LIN7A: variants seen among roughly 807,000 people sequenced by gnomAD.
LIN7A encodes lin-7 cell polarity scaffold A.
A neutral mutation model predicts 29.8 loss-of-function variants in LIN7A; 25 were observed. The ratio of observed to expected loss-of-function variants is 0.84; its 90% CI spans 0.61 to 1.17. The LOEUF (loss-of-function observed/expected upper bound fraction) is 1.17, where lower values mean the gene tolerates loss of function less well. Among genes scored for constraint, LIN7A ranks in the 50% most tolerant of loss-of-function variants. The probability of loss-of-function intolerance (pLI) is 0.00; values close to 1 mark genes in which losing one functional copy is unlikely to be tolerated. For missense variants in LIN7A, 239 were observed against 287.0 expected, an observed-to-expected ratio of 0.83 and a Z score of 1.21; for synonymous variants, 118 against 107.5, an observed-to-expected ratio of 1.10 and a Z score of -0.60.
At chr12:80,914,486 A>G (rs1876930955) in intron 1 of LIN7A, among the ~76,000 whole-genome samples, 1 of 152,226 alleles carries the variant, frequency 6.6e-6, no homozygotes, top group Non-Finnish European at 1.5e-5. Flanking sequence ...TAAATACACC[A>G]GTCAGATTAG....
At chr12:80,877,782 A>T (rs777748531) in intron 2 of LIN7A, among the ~76,000 whole-genome samples, 4 of 152,110 alleles carry the variant, frequency 2.6e-5, no homozygotes, top group Non-Finnish European at 4.4e-5. Flanking sequence ...TTCATTTTAG[A>T]TGACTTGTAC....
intron 2 of LIN7A, among the ~76,000 whole-genome samples, chr12:80,875,171 C>A (rs1354216209): frequency 6.6e-6 from 1 of 152,170 alleles, no homozygotes; most frequent in Non-Finnish European, 1.5e-5. Flanking sequence ...ACCACTTAAA[C>A]TTTCTGTATC....
chr12:80,841,342 GGGAAGGAAGGAAGGAAGGAAGGAAGGAA>G (rs201176926), intron 4 of LIN7A, among the ~76,000 whole-genome samples: 1,453 of 126,066 alleles, frequency 0.012, 17 homozygotes, highest in Middle Eastern at 0.029. Context: ...GAAAGAGGGA[GGGAAGGAAGGAAGGAAGGAAGGAAGGAA>G]GGAAGGAAGG....
intron 4 of LIN7A, among the ~76,000 whole-genome samples, chr12:80,828,384 T>C (rs528532493): frequency 6.6e-5 from 10 of 152,266 alleles, no homozygotes; most frequent in African/African-American, 2.4e-4. Context: ...TAGAATATTA[T>C]ATAGAAGATT....
chr12:80,820,659 C>CA (rs1555222258), intron 4 of LIN7A, among the ~76,000 whole-genome samples: 2 of 95,980 alleles, frequency 2.1e-5, no homozygotes, highest in African/African-American at 6.5e-5. Flanking sequence ...ACACACACAC[C>CA]CATCTTCAGG....
At chr12:80,863,431 G>C (rs545454383) in intron 2 of LIN7A, among the ~76,000 whole-genome samples, 1 of 152,316 alleles carries the variant, frequency 6.6e-6, no homozygotes, top group South Asian at 2.1e-4. Context: ...GGGAGAAAGA[G>C]AGCACATAAT....
intron 4 of LIN7A, chr12:80,841,819 A>C: frequency 1.1e-6 from 1 of 889,288 alleles, no homozygotes; most frequent in Non-Finnish European, 1.4e-6. Flanking sequence ...CGGAGAAAAC[A>C]CTTGAGCATA....
chr12:80,895,831 A>T (rs968908304), intron 1 of LIN7A, among the ~76,000 whole-genome samples: 1 of 152,130 alleles, frequency 6.6e-6, no homozygotes, highest in Non-Finnish European at 1.5e-5. Context: ...GATAACTGCC[A>T]TGTGCTAAGG....
intron 4 of LIN7A, among the ~76,000 whole-genome samples, chr12:80,836,457 G>A (rs994088697): frequency 1.3e-5 from 2 of 152,128 alleles, no homozygotes; most frequent in South Asian, 2.1e-4. Context: ...AGGAGTTTGA[G>A]ACCAGTTTGG....
At chr12:80,855,046 C>T (rs1770324702) in intron 2 of LIN7A, among the ~76,000 whole-genome samples, 2 of 152,042 alleles carry the variant, frequency 1.3e-5, no homozygotes, top group Admixed American at 1.3e-4. Flanking sequence ...TGTAGTGCCT[C>T]GTTATAGATG....
At chr12:80,894,882 A>G (rs1163726742) in intron 1 of LIN7A, among the ~76,000 whole-genome samples, 6 of 152,172 alleles carry the variant, frequency 3.9e-5, no homozygotes, top group Non-Finnish European at 5.9e-5. Flanking sequence ...GTTAAAGAAA[A>G]ATAAAAACAA....
At chr12:80,850,933 C>A (rs1873299848) in intron 2 of LIN7A, among the ~76,000 whole-genome samples, 1 of 152,094 alleles carries the variant, frequency 6.6e-6, no homozygotes. Context: ...ATTCTCCTAA[C>A]TTCTTATTTG....
chr12:80,916,955 A>C (rs1164351656), intron 1 of LIN7A, among the ~76,000 whole-genome samples: 1 of 152,204 alleles, frequency 6.6e-6, no homozygotes, highest in Non-Finnish European at 1.5e-5. Flanking sequence ...CTTAAGTAGA[A>C]GAGGAAGGCT....
At chr12:80,921,181 GAAGGTGTCCTCT>G (rs1877282345) in intron 1 of LIN7A, among the ~76,000 whole-genome samples, 1 of 152,104 alleles carries the variant, frequency 6.6e-6, no homozygotes, top group Non-Finnish European at 1.5e-5. Context: ...GACACAGCAA[GAAGGTGTCCTCT>G]AAGAACCAGG....
intron 4 of LIN7A, among the ~76,000 whole-genome samples, chr12:80,813,074 G>C (rs920164976): frequency 6.6e-6 from 1 of 151,718 alleles, no homozygotes. Flanking sequence ...GCAATGGCGC[G>C]ATCTTGGCTC....
intron 4 of LIN7A, among the ~76,000 whole-genome samples, chr12:80,817,538 G>A (rs1369757273): frequency 6.6e-6 from 1 of 152,114 alleles, no homozygotes; most frequent in Non-Finnish European, 1.5e-5. Context: ...CCAGGTTTAT[G>A]CATAGACTCC....
intron 2 of LIN7A, among the ~76,000 whole-genome samples, chr12:80,855,652 C>A (rs996459897): frequency 1.3e-5 from 2 of 152,074 alleles, no homozygotes; most frequent in Non-Finnish European, 2.9e-5. Context: ...AGGGAGGTAT[C>A]TAAAATGAAT....
chr12:80,894,045 T>C (rs1173086569), intron 1 of LIN7A, among the ~76,000 whole-genome samples: 1 of 152,166 alleles, frequency 6.6e-6, no homozygotes, highest in Non-Finnish European at 1.5e-5. Context: ...TTCCCTTAAG[T>C]TCTATAAGAA....
At chr12:80,846,275 A>T (rs1340101653) in intron 3 of LIN7A, among the ~76,000 whole-genome samples, 2 of 152,174 alleles carry the variant, frequency 1.3e-5, no homozygotes, top group African/African-American at 4.8e-5. Flanking sequence ...TGTACTATCT[A>T]CTATTATAAT....
Sources: allele counts gnomAD v4.1 joint callset (sites outside exome capture counted in the v4.1 genomes callset), GRCh38; gene constraint gnomAD v4.1.1; transcripts MANE v1.5; gene names NCBI Gene and HGNC (gene_info 2026-07-23, HGNC 2026-07-21).